Variants in GRIK3 observed in about 807,000 individuals in gnomAD.
GRIK3 encodes glutamate ionotropic receptor kainate type subunit 3.
GRIK3 carries 29 observed loss-of-function variants against 102.5 expected under a neutral mutation model. That is an observed-to-expected ratio of 0.28 (90% CI 0.21 to 0.39). The LOEUF (loss-of-function observed/expected upper bound fraction) is 0.39. Ranked by LOEUF, GRIK3 falls within the 10% of genes least tolerant of loss-of-function variation. The pLI, the probability that GRIK3 is intolerant of heterozygous loss-of-function variation, is 1.00. For missense variants in GRIK3, 908 were observed against 1,252.4 expected (o/e 0.73, Z 4.15); for synonymous variants, 511 against 504.9 (o/e 1.01, Z -0.16).
In GRIK3 at chr1:36,912,113, C is replaced by T. The variant is rs74500943; in HGVS notation, c.116-21017G>A. 6.7e-3 allele frequency among the ~76,000 whole-genome samples: 1,016 copies of T among 152,282 alleles called. 45 individuals are homozygous for T. The East Asian group carries it at 0.1, about 16-fold the overall frequency. ...CTCCCTTCACGCACACCTTCCTCTG[C>T]GTCTCGCTTTTCCTTCTTTCTCTGG... On this transcript the variant is annotated intron_variant, in intron 1 of 15. Coordinates refer to ENST00000373091, the MANE Select transcript of GRIK3 (RefSeq NM_000831.4).
chr1:36,966,412 G>C (rs547418307), intron 1 of GRIK3, among the ~76,000 whole-genome samples: 49 of 152,280 alleles, frequency 3.2e-4, no homozygotes, highest in African/African-American at 1.1e-3. Flanking sequence ...GGACTGGGTG[G>C]GTCTGGATCA....
chr1:36,961,485 G>C (rs753249373), intron 1 of GRIK3, among the ~76,000 whole-genome samples: 1 of 152,228 alleles, frequency 6.6e-6, no homozygotes, highest in Non-Finnish European at 1.5e-5. Context: ...AGCAGGCACT[G>C]AGAGGGGTGG....
intron 1 of GRIK3, among the ~76,000 whole-genome samples, chr1:36,955,628 C>T (rs1356929317): frequency 6.6e-6 from 1 of 152,236 alleles, no homozygotes; most frequent in Non-Finnish European, 1.5e-5. Context: ...ATCTGGACAG[C>T]TGCAGCCAAG....
intron 11 of GRIK3, among the ~76,000 whole-genome samples, chr1:36,824,545 G>A (rs377198441): frequency 1.3e-5 from 2 of 152,176 alleles, no homozygotes; most frequent in African/African-American, 4.8e-5. Flanking sequence ...GGAGTGAAGT[G>A]GGGGGAGGGC....
At chr1:36,822,631 A>G (rs1421504747) in intron 11 of GRIK3, among the ~76,000 whole-genome samples, 9 of 152,148 alleles carry the variant, frequency 5.9e-5, no homozygotes, top group African/African-American at 1.9e-4. Flanking sequence ...CTCCACAGAG[A>G]AGGCTACACT....
intron 1 of GRIK3, among the ~76,000 whole-genome samples, chr1:36,960,400 C>T (rs953750146): frequency 5.3e-5 from 8 of 152,308 alleles, no homozygotes; most frequent in East Asian, 1.9e-4. Context: ...ATTGCAGCTC[C>T]GGTATTTAAC....
At chr1:36,803,214 A>G (rs1270329998) in intron 15 of GRIK3, among the ~76,000 whole-genome samples, 1 of 152,128 alleles carries the variant, frequency 6.6e-6, no homozygotes, top group African/African-American at 2.4e-5. Context: ...GAATGACCAG[A>G]AGATGTCAAG....
intron 13 of GRIK3, among the ~76,000 whole-genome samples, chr1:36,807,840 G>A (rs1642517053): frequency 6.6e-6 from 1 of 152,130 alleles, no homozygotes; most frequent in Non-Finnish European, 1.5e-5. Flanking sequence ...CAGATAAGCA[G>A]CCACTCCCCA....
chr1:36,809,133 C>T (rs1293758605), intron 13 of GRIK3, among the ~76,000 whole-genome samples: 1 of 151,956 alleles, frequency 6.6e-6, no homozygotes, highest in Non-Finnish European at 1.5e-5. Flanking sequence ...TCTAATCTAT[C>T]CTTCCAATTA....
chr1:36,925,088 C>T (rs563770625), intron 1 of GRIK3, among the ~76,000 whole-genome samples: 32 of 152,300 alleles, frequency 2.1e-4, no homozygotes, highest in Middle Eastern at 3.4e-3. Flanking sequence ...ACAAATGAAG[C>T]TCCAGCAGGA....
chr1:36,996,387 G>A (rs1239314094), intron 1 of GRIK3, among the ~76,000 whole-genome samples: 1 of 152,204 alleles, frequency 6.6e-6, no homozygotes, highest in African/African-American at 2.4e-5. Context: ...GGACCACTTG[G>A]TGAGCTGAGC....
intron 13 of GRIK3, among the ~76,000 whole-genome samples, chr1:36,816,165 C>A (rs1642624071): frequency 6.6e-6 from 1 of 152,184 alleles, no homozygotes; most frequent in Non-Finnish European, 1.5e-5. Flanking sequence ...CCTGGTTCCT[C>A]CAGCTGGGCA....
At chr1:36,913,600 C>G (rs1263262277) in intron 1 of GRIK3, among the ~76,000 whole-genome samples, 2 of 151,992 alleles carry the variant, frequency 1.3e-5, no homozygotes, top group African/African-American at 2.4e-5. Context: ...TGTTTTGTTT[C>G]TTCTCTAACA....
chr1:36,818,886 T>C (rs971970229), intron 12 of GRIK3, among the ~76,000 whole-genome samples: 1 of 152,080 alleles, frequency 6.6e-6, no homozygotes, highest in Non-Finnish European at 1.5e-5. Context: ...TTGTCTGCAC[T>C]CCCTAAGATA....
intron 1 of GRIK3, among the ~76,000 whole-genome samples, chr1:36,939,921 G>T (rs1641701145): frequency 6.6e-6 from 1 of 152,182 alleles, no homozygotes; most frequent in Non-Finnish European, 1.5e-5. Context: ...TACCTGAAAA[G>T]TGTCTGCAAA....
intron 7 of GRIK3, among the ~76,000 whole-genome samples, chr1:36,855,314 C>T (rs896891851): frequency 2.0e-5 from 3 of 152,180 alleles, no homozygotes; most frequent in Non-Finnish European, 4.4e-5. Flanking sequence ...CCTCTCCCTG[C>T]GGAATGCCCC....
rs543708623 is a variant in GRIK3, at chr1:36,985,273, C to G, written c.115+48721G>C. 2.6e-5 allele frequency among the ~76,000 whole-genome samples: 4 copies of G among 152,282 alleles called. No homozygotes were observed. In the South Asian group the frequency reaches 6.2e-4, roughly 24 times the overall value. On this transcript the variant is annotated intron_variant, in intron 1 of 15. Transcript: ENST00000373091. ...TGCTACTTTGACCCTGCCTTGCCCC[C>G]TCCTCTGGCTCCAAAGCAGAGCAGG...
chr1:36,828,182 G>C (rs956540907), intron 10 of GRIK3, among the ~76,000 whole-genome samples: 2 of 152,116 alleles, frequency 1.3e-5, no homozygotes, highest in South Asian at 4.1e-4. Context: ...CTGTAGATAG[G>C]ATCCCTTGGT....
intron 8 of GRIK3, 111 bp downstream of exon 8, chr1:36,853,504 A>G (rs183957386): frequency 5.1e-5 from 36 of 701,762 alleles, no homozygotes; most frequent in South Asian, 3.3e-5. Flanking sequence ...CCTGAGGGGC[A>G]GCTGGACTGT....
Sources: allele counts gnomAD v4.1 joint callset (sites outside exome capture counted in the v4.1 genomes callset), GRCh38; gene constraint gnomAD v4.1.1; transcripts MANE v1.5; gene names NCBI Gene and HGNC (gene_info 2026-07-23, HGNC 2026-07-21).